Variants in RIF1 observed in about 807,000 individuals in gnomAD.
RIF1 encodes replication timing regulatory factor 1.
In RIF1, 45 loss-of-function variants were observed where a neutral mutation model predicts 247.1. The ratio of observed to expected loss-of-function variants is 0.18; its 90% confidence interval spans 0.14 to 0.23. The LOEUF (loss-of-function observed/expected upper bound fraction) is 0.23. Ranked by LOEUF, RIF1 falls within the 10% of genes least tolerant of loss-of-function variation. The probability of loss-of-function intolerance (pLI) is 1.00; values close to 1 mark genes in which losing one functional copy is unlikely to be tolerated. For synonymous variants in RIF1, 1,087 were observed against 978.8 expected (o/e 1.11, Z -2.06); for missense variants, 2,967 against 2,862.5 (o/e 1.04, Z -0.83).
At chr2:151,531,444 G>C in the RIF1 span, among the ~76,000 whole-genome samples, 136 of 150,758 alleles carry the variant, frequency 9.0e-4, 1 homozygote, top group African/African-American at 3.1e-3. Flanking sequence ...AGCCTCCTGA[G>C]TAGCTGGGAC....
rs1273034641 is a variant in RIF1 at position 151,481,691 on chromosome 2, A to G, written c.*6620A>G. 1 of 152,384 alleles carries G rather than the reference A, an allele frequency of 6.6e-6. No homozygotes were observed. 9.4% of individuals were successfully genotyped at this position (152,384 alleles called of 1,614,324 possible). A position where few individuals can be genotyped will look rare whatever the true frequency, so the allele number is the denominator to read the frequency against. ...CCTCAGTTACCTGCAAATAATGGAAATAATGGTGCAGTCAGTTTTATTTGA... is the reference window on the plus strand; with the variant it reads ...CCTCAGTTACCTGCAAATAATGGAAGTAATGGTGCAGTCAGTTTTATTTGA... On this transcript the variant is annotated 3_prime_UTR_variant, in exon 36 of 36. Transcript: ENST00000444746.
At chr2:151,499,150 C>A in intron 10 of RIF1, 1 of 483,926 alleles carries the variant, frequency 2.1e-6, no homozygotes, top group Non-Finnish European at 3.7e-6. Context: ...ATGGGGAAAA[C>A]TGATTCATAG....
At chr2:151,495,535 T>A (rs552318393) in intron 10 of RIF1, among the ~76,000 whole-genome samples, 22 of 152,334 alleles carry the variant, frequency 1.4e-4, no homozygotes, top group Middle Eastern at 3.4e-3. Context: ...GGTTGTTTGC[T>A]ACTGAAAGCT....
At chr2:151,460,462 ATTG>A (rs1190115462) in intron 26 of RIF1, among the ~76,000 whole-genome samples, 1 of 152,164 alleles carries the variant, frequency 6.6e-6, no homozygotes, top group Non-Finnish European at 1.5e-5. Flanking sequence ...GTTTAGGATT[ATTG>A]TTATTTTAGA....
chr2:151,493,716 C>T, intron 9 of RIF1: 1 of 1,284,888 alleles, frequency 7.8e-7, no homozygotes, highest in Non-Finnish European at 1.1e-6. Context: ...ATTAGTGGTA[C>T]AACCATGTTT....
At position 151,464,396 on chromosome 2, in the gene RIF1, A is replaced by T; in HGVS notation, c.4876A>T (p.Asn1626Tyr). ...GATTTGCGAAAAACAAGATGAAAGT[A>T]ATACTGTAATATGTCAGGATTCTAC... Reference protein sequence around the residue: ...SPICEKQDESNTVICQDSTVT... With the variant: ...SPICEKQDESYTVICQDSTVT... The change falls in exon 30 of 36, where the codon AAT becomes TAT. Residue 1626 changes from asparagine to tyrosine, a missense_variant. Transcript: ENST00000444746. The T allele has an allele frequency of 1.2e-6, 2 of 1,612,472 alleles. No homozygotes were observed. Among genetic ancestry groups the T allele is most frequent in the African/African-American group, 1.3e-5 (1 of 74,986 alleles).
chr2:151,434,389 C>G (rs767562019), intron 10 of RIF1, among the ~76,000 whole-genome samples: 5 of 151,470 alleles, frequency 3.3e-5, no homozygotes, highest in Admixed American at 6.6e-5. Flanking sequence ...TTAATCTTAA[C>G]CTAAACCTTT....
At chr2:151,510,658 T>C (rs1275107359), downstream of RIF1, among the ~76,000 whole-genome samples, 2 of 152,176 alleles carry the variant, frequency 1.3e-5, no homozygotes, top group Admixed American at 1.3e-4. Context: ...TTCTATTTTA[T>C]TAGTTATTGT....
intron 12 of RIF1, chr2:151,506,034 G>A: frequency 2.5e-6 from 2 of 794,262 alleles, no homozygotes; most frequent in Admixed American, 1.8e-5. Flanking sequence ...CTGTGTGGTG[G>A]TGGTACACAG....
At chr2:151,526,710 G>T in the RIF1 span, among the ~76,000 whole-genome samples, 1 of 152,162 alleles carries the variant, frequency 6.6e-6, no homozygotes, top group African/African-American at 2.4e-5. Context: ...ATAAATCGAG[G>T]ACTGTCACCT....
At chr2:151,502,377 C>A (rs1249927324) in intron 11 of RIF1, among the ~76,000 whole-genome samples, 3 of 124,114 alleles carry the variant, frequency 2.4e-5, no homozygotes, top group African/African-American at 8.7e-5. Flanking sequence ...AATAAATAAA[C>A]ATCTAAACAT....
At chr2:151,459,870 G>T in intron 25 of RIF1, 130 bp from the exon 26 acceptor site, 1 of 761,526 alleles carries the variant, frequency 1.3e-6, no homozygotes, top group East Asian at 3.0e-5. Flanking sequence ...GATTTTTATG[G>T]GATTGAATAA....
At chr2:151,474,416 C>T (rs1184962258) in intron 35 of RIF1, among the ~76,000 whole-genome samples, 26 of 152,174 alleles carry the variant, frequency 1.7e-4, no homozygotes, top group Admixed American at 1.2e-3. Context: ...TGGTGGCTCA[C>T]GCCTGTAATC....
At chr2:151,486,158 C>T (rs1574273987), downstream of RIF1, 13 of 481,044 alleles carry the variant, frequency 2.7e-5, no homozygotes, top group East Asian at 4.2e-4. Flanking sequence ...ACTCCTACAA[C>T]TCAATGCCTT....
At chr2:151,504,881 G>A (rs1016403864) in intron 12 of RIF1, among the ~76,000 whole-genome samples, 3 of 152,030 alleles carry the variant, frequency 2.0e-5, no homozygotes, top group Non-Finnish European at 4.4e-5. Context: ...CAGGCTTAAT[G>A]TATAATATAC....
intron 35 of RIF1, 24 bp downstream of exon 35, chr2:151,474,096 A>T: frequency 1.8e-6 from 2 of 1,083,088 alleles, no homozygotes. Context: ...AAAGTGGGAT[A>T]ATTTTATTTA....
chr2:151,478,292 C>T lies in RIF1; in HGVS notation c.*3221C>T, dbSNP rs1335317220. 3 of 152,124 alleles carry T rather than the reference C, an allele frequency of 2.0e-5. No homozygotes were observed. The East Asian group carries it at 5.8e-4, about 29-fold the overall frequency. 9.4% of individuals were successfully genotyped at this position (152,124 alleles called of 1,614,324 possible). A position where few individuals can be genotyped will look rare whatever the true frequency, so the allele number is the denominator to read the frequency against. On this transcript the variant is annotated 3_prime_UTR_variant, in exon 36 of 36. Transcript: ENST00000444746. ...CTTTGGCCCAGGAGTTCAAAACTGA[C>T]CTGAACAATGTGGCGAAATCCTGTC...
intron 21 of RIF1, among the ~76,000 whole-genome samples, chr2:151,453,106 C>T (rs1328321712): frequency 2.0e-5 from 3 of 152,212 alleles, no homozygotes; most frequent in East Asian, 3.9e-4. Context: ...GTGGAAACTT[C>T]GTATTCCTTT....
chr2:151,488,464 T>C lies in RIF1; in HGVS notation c.*415+5129T>C, dbSNP rs181414006. ...GGGTTTGAGACCAGCCTGGGCAACA[T>C]AGTGAGCCTCTACCAAAAAAAAAAA... is the stretch of plus-strand genomic sequence containing the variant. On this transcript the variant is annotated intron_variant and NMD_transcript_variant, in intron 9 of 13. Coordinates refer to the RIF1 transcript ENST00000454583. 1.8e-3 allele frequency among the ~76,000 whole-genome samples: 256 copies of C among 141,786 alleles called. 2 individuals are homozygous for C. The highest frequency in any genetic ancestry group is 6.5e-3 in the African/African-American group (246 of 37,732). 93.0% of individuals were successfully genotyped at this position (141,786 alleles called of 152,430 possible).
Sources: allele counts gnomAD v4.1 joint callset (sites outside exome capture counted in the v4.1 genomes callset), GRCh38; gene constraint gnomAD v4.1.1; transcripts MANE v1.5; gene names NCBI Gene and HGNC (gene_info 2026-07-23, HGNC 2026-07-21).